Variants in GRIN2B observed in about 807,000 individuals in gnomAD.
GRIN2B encodes the protein glutamate receptor ionotropic, NMDA 2B.
Under a neutral mutation model 114.5 loss-of-function variants are expected in GRIN2B, and 5 were observed. That is an observed-to-expected ratio of 0.04 (90% CI 0.02 to 0.09). GRIN2B has a LOEUF of 0.09. GRIN2B is among the 10% of genes least tolerant of loss of function. The pLI, the probability that GRIN2B is intolerant of heterozygous loss-of-function variation, is 1.00. For missense variants in GRIN2B, 1,108 were observed against 1,943.5 expected (o/e 0.57, Z 8.08); for synonymous variants, 787 against 745.1 (o/e 1.06, Z -0.92).
rs540047458 is a variant in GRIN2B at position 13,550,413 on chromosome 12, C to T, written c.*12370G>A. 6 of 152,232 alleles carry T rather than the reference C, an allele frequency of 3.9e-5. No homozygotes were observed. The highest frequency in any genetic ancestry group is 2.6e-4 in the Admixed American group (4 of 15,308). 9.4% of individuals were successfully genotyped at this position (152,232 alleles called of 1,614,324 possible). ...TCAGATTTCTATGTGACCCATTTCT[C>T]GTGCCTGTTACCAAGAAATAACCAA... On this transcript the variant is annotated 3_prime_UTR_variant, in exon 14 of 14. Transcript: ENST00000609686.
In GRIN2B at chr12:13,615,430, T is replaced by G. The variant is rs1007974570; in HGVS notation, c.1500+63A>C. ...TGCATAAAGTGAGCACGTTTTAAACTTATATTTAGAAGAAGGAAAATAAAT... is the reference window on the plus strand; with the variant it reads ...TGCATAAAGTGAGCACGTTTTAAACGTATATTTAGAAGAAGGAAAATAAAT... On this transcript the variant is annotated intron_variant, in intron 7 of 13. Transcript: ENST00000609686. The surrounding 1 kb of genome is among the most constrained non-coding windows in gnomAD (Gnocchi z 5.8). 9.3e-6 allele frequency: 14 copies of G among 1,504,708 alleles called. No individual in the cohort carries two copies. The highest frequency in any genetic ancestry group is 3.4e-4 in the Middle Eastern group (2 of 5,848). The allele number at this position is 1,504,708 out of a possible 1,614,324, so 93.2% of individuals were successfully genotyped here. A position where few individuals can be genotyped will look rare whatever the true frequency, so the allele number is the denominator to read the frequency against.
At chr12:13,683,248 A>C (rs1950147729) in intron 4 of GRIN2B, among the ~76,000 whole-genome samples, 1 of 152,162 alleles carries the variant, frequency 6.6e-6, no homozygotes, top group Admixed American at 6.5e-5. Context: ...AGGTGAATAG[A>C]AAGAAAATAA....
rs146480714 is a variant in GRIN2B, at chr12:13,810,707, C to T, written c.411+55091G>A. ...ACCTGAAGGCAGATTCTATGTCCTT[C>T]TTCTTAATAGTTATTGCACTTCTAA... is the stretch of plus-strand genomic sequence containing the variant. On this transcript the variant is annotated intron_variant, in intron 3 of 13. Transcript: ENST00000609686. 7.6e-3 allele frequency among the ~76,000 whole-genome samples: 1,165 copies of T among 152,304 alleles called. 23 individuals are homozygous for T. Among genetic ancestry groups the T allele is most frequent in the African/African-American group, 0.027 (1,126 of 41,548 alleles).
chr12:13,637,218 G>C (rs1030936520), intron 5 of GRIN2B, among the ~76,000 whole-genome samples: 1 of 152,148 alleles, frequency 6.6e-6, no homozygotes, highest in African/African-American at 2.4e-5. Flanking sequence ...AATTATATGA[G>C]TTTTGAGAGC....
Position 13,549,703 on chromosome 12 carries a change from A to G in GRIN2B, c.*13080T>C, listed in dbSNP as rs1948386938. On this transcript the variant is annotated 3_prime_UTR_variant, in exon 14 of 14. Coordinates refer to ENST00000609686, the MANE Select transcript of GRIN2B (RefSeq NM_000834.5). Reference sequence around the variant, plus strand: ...ACATGCTACCTAAAAAAAATTTTTAATAATAAAAAATTATTCACAATATCT... The same window carrying G: ...ACATGCTACCTAAAAAAAATTTTTAGTAATAAAAAATTATTCACAATATCT... The G allele has an allele frequency of 6.6e-6, 1 of 151,848 alleles. No individual in the cohort carries two copies. The highest frequency in any genetic ancestry group is 2.1e-4 in the South Asian group (1 of 4,828). The allele number at this position is 151,848 out of a possible 1,614,324, so 9.4% of individuals were successfully genotyped here.
In GRIN2B at chr12:13,558,388, T is replaced by A. The variant is rs759242015; in HGVS notation, c.*4395A>T. Reference sequence around the variant, plus strand: ...TGATGATTGAAAGAATAAAGTGAGTTCTGGAATAGTTTTTCCAAAAGCTTA... The same window carrying A: ...TGATGATTGAAAGAATAAAGTGAGTACTGGAATAGTTTTTCCAAAAGCTTA... On this transcript the variant is annotated 3_prime_UTR_variant, in exon 14 of 14. Transcript: ENST00000609686. 6.6e-6 allele frequency: 1 copy of A among 151,870 alleles called. No individual in the cohort carries two copies. The highest frequency in any genetic ancestry group is 2.4e-5 in the African/African-American group (1 of 41,300). 9.4% of individuals were successfully genotyped at this position (151,870 alleles called of 1,614,324 possible). A position where few individuals can be genotyped will look rare whatever the true frequency, so the allele number is the denominator to read the frequency against.
chr12:13,695,595 AGAG>A (rs768842544), intron 4 of GRIN2B, among the ~76,000 whole-genome samples: 2 of 152,136 alleles, frequency 1.3e-5, no homozygotes, highest in Non-Finnish European at 2.9e-5. Context: ...GAGGGAGGAA[AGAG>A]AATAACGGAG....
chr12:13,842,799 A>T (rs1213871608), intron 3 of GRIN2B, among the ~76,000 whole-genome samples: 1 of 152,116 alleles, frequency 6.6e-6, no homozygotes, highest in African/African-American at 2.4e-5. Flanking sequence ...GGAGAATTAT[A>T]ACGAGATAAT....
intron 5 of GRIN2B, among the ~76,000 whole-genome samples, chr12:13,657,702 A>T (rs1949879853): frequency 6.6e-6 from 1 of 152,198 alleles, no homozygotes; most frequent in Admixed American, 6.5e-5. Flanking sequence ...GAGGGGCAGA[A>T]ATTTAAAAAT....
intron 2 of GRIN2B, among the ~76,000 whole-genome samples, chr12:13,967,265 T>G (rs1867804915): frequency 6.6e-6 from 1 of 152,216 alleles, no homozygotes; most frequent in African/African-American, 2.4e-5. Flanking sequence ...CACCCTTCTC[T>G]TTCTCCACTC....
At chr12:13,759,443 C>T (rs1356893983) in intron 3 of GRIN2B, among the ~76,000 whole-genome samples, 2 of 152,166 alleles carry the variant, frequency 1.3e-5, no homozygotes, top group African/African-American at 4.8e-5. Context: ...GCAGAAAATG[C>T]TATAGTCACT....
At chr12:13,811,143 C>T (rs1366376317) in intron 3 of GRIN2B, among the ~76,000 whole-genome samples, 1 of 152,142 alleles carries the variant, frequency 6.6e-6, no homozygotes, top group Non-Finnish European at 1.5e-5. Context: ...TATAAGTGTT[C>T]GGGAAGGGGA....
At chr12:13,826,872 T>C (rs1865045732) in intron 3 of GRIN2B, among the ~76,000 whole-genome samples, 1 of 152,132 alleles carries the variant, frequency 6.6e-6, no homozygotes, top group Non-Finnish European at 1.5e-5. Flanking sequence ...AAAACGTTAA[T>C]AATTCTGAAA....
intron 3 of GRIN2B, among the ~76,000 whole-genome samples, chr12:13,833,031 A>T (rs1018878324): frequency 7.9e-5 from 12 of 152,234 alleles, no homozygotes; most frequent in Non-Finnish European, 1.3e-4. Flanking sequence ...GATCATGTAA[A>T]AGTGGCTCTG....
intron 2 of GRIN2B, among the ~76,000 whole-genome samples, chr12:13,868,609 T>A (rs1865861587): frequency 6.6e-6 from 1 of 152,202 alleles, no homozygotes; most frequent in Admixed American, 6.5e-5. Context: ...TTCCTTCACG[T>A]TTAAAAGTGG....
At chr12:13,754,142 C>T (rs544117803) in intron 3 of GRIN2B, among the ~76,000 whole-genome samples, 2 of 152,136 alleles carry the variant, frequency 1.3e-5, no homozygotes, top group Non-Finnish European at 2.9e-5. Flanking sequence ...GAAAATCAAC[C>T]TATGTCTATA....
Position 13,777,753 on chromosome 12 carries a change from A to G in GRIN2B, c.412-23838T>C, listed in dbSNP as rs188213767. ...ATTCAGAATAGATGCATCACATATT[A>G]AAGGTGCTAAGTATTTGCCTGCAGC... On this transcript the variant is annotated intron_variant, in intron 3 of 13. Transcript: ENST00000609686. Among the ~76,000 whole-genome samples, 3 of 152,300 alleles carry G rather than the reference A, an allele frequency of 2.0e-5. No homozygotes were observed. In the East Asian group the frequency reaches 5.8e-4, roughly 29 times the overall value.
At chr12:13,583,154 G>T (rs1361037621) in intron 10 of GRIN2B, among the ~76,000 whole-genome samples, 1 of 151,990 alleles carries the variant, frequency 6.6e-6, no homozygotes, top group Non-Finnish European at 1.5e-5. Flanking sequence ...ACATTTAAAG[G>T]GCATAAACCA....
chr12:13,895,184 T>C (rs183218520), intron 2 of GRIN2B, among the ~76,000 whole-genome samples: 10 of 152,254 alleles, frequency 6.6e-5, no homozygotes, highest in Non-Finnish European at 1.2e-4. Flanking sequence ...TCCAAAGAAA[T>C]CATGAGGTCA....
Sources: gnomAD v4.1 joint callset for allele counts (sites outside exome capture counted in the v4.1 genomes callset) on GRCh38, gnomAD v4.1.1 for gene constraint, Gnocchi (gnomAD v3.1) non-coding constraint, MANE v1.5 for transcripts, NCBI Gene and HGNC (gene_info 2026-07-23, HGNC 2026-07-21) for gene names.